The following SH2B3 variants were observed in gnomAD, a reference collection of about 807,000 sequenced individuals.
SH2B3 encodes SH2B adapter protein 3.
A neutral mutation model predicts 51.9 loss-of-function variants in SH2B3; 43 were observed. The ratio of observed to expected loss-of-function variants is 0.83; its 90% CI spans 0.65 to 1.07. The LOEUF is 1.07. Ranked by LOEUF, SH2B3 falls within the 50% of genes least tolerant of loss-of-function variation. The pLI, the probability that SH2B3 is intolerant of heterozygous loss-of-function variation, is 0.00. For missense variants in SH2B3, 952 were observed against 834.3 expected, an observed-to-expected ratio of 1.14 and a Z score of -1.74; for synonymous variants, 396 against 376.0, an observed-to-expected ratio of 1.05 and a Z score of -0.62.
intron 2 of SH2B3, among the ~76,000 whole-genome samples, chr12:111,442,451 G>A (rs1268202922): frequency 2.0e-5 from 3 of 152,198 alleles, no homozygotes; most frequent in Admixed American, 6.5e-5. Flanking sequence ...GTCGACTGAG[G>A]CCTGTCCCAC....
intron 2 of SH2B3, among the ~76,000 whole-genome samples, chr12:111,440,174 T>C (rs948028685): frequency 6.6e-6 from 1 of 152,134 alleles, no homozygotes; most frequent in Non-Finnish European, 1.5e-5. Flanking sequence ...CAGAAGGTCA[T>C]AGAAGCACCC....
rs1472619570 is a variant in SH2B3, at chr12:111,448,032, A to G, written c.1458A>G (p.Ser486=). The part of the protein sequence containing the change: ...LFPFSLPHWD[S]ESLPHWGSEL... ...CTTTCTCCCTTCCTCACTGGGATTC[A>G]GAGTCCCTTCCTCACTGGGGTTCAG... Residue 486 remains serine, a synonymous_variant, in exon 8 of 8, where the codon TCA becomes TCG. Coordinates refer to ENST00000341259, the MANE Select transcript of SH2B3 (RefSeq NM_005475.3). 6.2e-7 allele frequency: 1 copy of G among 1,611,002 alleles called. No individual in the cohort carries two copies. Among genetic ancestry groups the G allele is most frequent in the East Asian group, 2.2e-5 (1 of 44,852 alleles).
At chr12:111,441,673 G>T (rs1447269998) in intron 2 of SH2B3, among the ~76,000 whole-genome samples, 2 of 152,188 alleles carry the variant, frequency 1.3e-5, no homozygotes, top group African/African-American at 4.8e-5. Flanking sequence ...TAAGGTCTAT[G>T]AAATAGGTCA....
chr12:111,415,918 G>A (rs1037332377), intron 1 of SH2B3, among the ~76,000 whole-genome samples: 18 of 151,742 alleles, frequency 1.2e-4, no homozygotes, highest in East Asian at 7.7e-4. Flanking sequence ...AGCTGCCCCC[G>A]GCCCATTTAT....
chr12:111,448,034 A>C lies in SH2B3; in HGVS notation c.1460A>C (p.Glu487Ala). The stretch of plus-strand genomic sequence containing the variant: ...TTCTCCCTTCCTCACTGGGATTCAG[A>C]GTCCCTTCCTCACTGGGGTTCAGAG... ...FPFSLPHWDSESLPHWGSELG... is the reference protein window; with the variant it reads ...FPFSLPHWDSASLPHWGSELG... The change falls in exon 8 of 8, where the codon GAG becomes GCG. Residue 487 changes from glutamate (E) to alanine (A), a missense_variant. Glu to Ala is a moderately radical substitution (Grantham distance 107). Coordinates refer to ENST00000341259, the MANE Select transcript of SH2B3 (RefSeq NM_005475.3). The C allele has an allele frequency of 1.9e-6, 3 of 1,610,984 alleles. No homozygotes were observed. Among genetic ancestry groups the C allele is most frequent in the Middle Eastern group, 1.7e-4 (1 of 6,056 alleles).
intron 2 of SH2B3, among the ~76,000 whole-genome samples, chr12:111,423,433 G>A (rs1593044840): frequency 6.6e-6 from 1 of 152,090 alleles, no homozygotes; most frequent in South Asian, 2.1e-4. Flanking sequence ...GCAGTGGCAC[G>A]GTGTCAGCTC....
In SH2B3 at chr12:111,418,919, C is replaced by T. The variant is rs1871322606; in HGVS notation, c.732+42C>T. 4 of 1,364,206 alleles carry T rather than the reference C, an allele frequency of 2.9e-6. No homozygotes were observed. Among genetic ancestry groups the T allele is most frequent in the Non-Finnish European group, 3.8e-6 (4 of 1,066,314 alleles). The allele number at this position is 1,364,206 out of a possible 1,614,324, so 84.5% of individuals were successfully genotyped here. ...CGCGGGGTTGCGCACTGCACTGCGC[C>T]CTTCGCCTTCACCCTGGGGAGAGCG... On this transcript the variant is annotated intron_variant, in intron 2 of 7. Transcript: ENST00000341259. The surrounding 1 kb of genome is among the most constrained non-coding windows in gnomAD (Gnocchi z 6.7).
At chr12:111,415,866 C>A (rs1410423039) in intron 1 of SH2B3, among the ~76,000 whole-genome samples, 1 of 152,104 alleles carries the variant, frequency 6.6e-6, no homozygotes, top group Admixed American at 6.5e-5. Context: ...AGGTGATCCA[C>A]CCACCTAAGC....
intron 2 of SH2B3, among the ~76,000 whole-genome samples, 156 bp downstream of exon 2, chr12:111,419,033 G>A (rs1232651900): frequency 2.0e-5 from 3 of 152,242 alleles, no homozygotes; most frequent in African/African-American, 7.2e-5. Context: ...CTTTTAGGCC[G>A]AGTGCAATGG....
At chr12:111,433,515 G>T (rs1251195811) in intron 2 of SH2B3, among the ~76,000 whole-genome samples, 2 of 152,116 alleles carry the variant, frequency 1.3e-5, no homozygotes, top group Non-Finnish European at 2.9e-5. Flanking sequence ...AGCCATCCCA[G>T]CCATCTTAAA....
chr12:111,411,737 C>G (rs1310496441), intron 1 of SH2B3, among the ~76,000 whole-genome samples: 2 of 152,174 alleles, frequency 1.3e-5, no homozygotes, highest in Non-Finnish European at 2.9e-5. Flanking sequence ...TGCAGACACC[C>G]CCCAGCCCCA....
Position 111,437,503 on chromosome 12 carries a change from C to A in SH2B3, c.733-9250C>A, listed in dbSNP as rs371767044. ...GACTGGGCCCACTGGGCATTCAGGG[C>A]AGCAGGCAGGCTCACTTGCAGAAGT... On this transcript the variant is annotated intron_variant, in intron 2 of 7. Coordinates refer to ENST00000341259, the MANE Select transcript of SH2B3 (RefSeq NM_005475.3). Among the ~76,000 whole-genome samples, 10 of 152,282 alleles carry A rather than the reference C, an allele frequency of 6.6e-5. 1 individual carries two copies. Among genetic ancestry groups the A allele is most frequent in the East Asian group, 5.8e-4 (3 of 5,174 alleles).
At chr12:111,446,495 G>A (rs951388245) in intron 2 of SH2B3, among the ~76,000 whole-genome samples, 1 of 152,192 alleles carries the variant, frequency 6.6e-6, no homozygotes, top group African/African-American at 2.4e-5. Flanking sequence ...GAGTGGGAAT[G>A]TCTCCAAGTC....
At chr12:111,441,661 A>G (rs941003841) in intron 2 of SH2B3, among the ~76,000 whole-genome samples, 2 of 152,150 alleles carry the variant, frequency 1.3e-5, no homozygotes, top group African/African-American at 4.8e-5. Context: ...TTGGGATGGT[A>G]ATAAGGTCTA....
At chr12:111,428,929 C>T (rs1462408912) in intron 2 of SH2B3, among the ~76,000 whole-genome samples, 1 of 151,904 alleles carries the variant, frequency 6.6e-6, no homozygotes. Flanking sequence ...AGGAGCCACC[C>T]CCATGCCTCC....
Position 111,448,942 on chromosome 12 carries a change from T to C in SH2B3, c.*640T>C, listed in dbSNP as rs1451280031. On this transcript the variant is annotated 3_prime_UTR_variant, in exon 8 of 8. Coordinates refer to ENST00000341259, the MANE Select transcript of SH2B3 (RefSeq NM_005475.3). Reference sequence around the variant, plus strand: ...AACCACTGCTTATTTCAGTGCACTGTTTCAACTAACACCCATGCTATTTTT... The same window carrying C: ...AACCACTGCTTATTTCAGTGCACTGCTTCAACTAACACCCATGCTATTTTT... 1.3e-5 allele frequency: 2 copies of C among 152,964 alleles called. No individual in the cohort carries two copies. Among genetic ancestry groups the C allele is most frequent in the African/African-American group, 4.8e-5 (2 of 41,470 alleles). The allele number at this position is 152,964 out of a possible 1,614,324, so 9.5% of individuals were successfully genotyped here.
At chr12:111,414,868 A>G (rs1204189040) in intron 1 of SH2B3, among the ~76,000 whole-genome samples, 2 of 152,300 alleles carry the variant, frequency 1.3e-5, no homozygotes, top group African/African-American at 4.8e-5. Context: ...GGTTCCTTAC[A>G]AGGTGGATGC....
Position 111,418,744 on chromosome 12 carries a change from T to G in SH2B3, c.599T>G (p.Val200Gly). 6.7e-7 allele frequency: 1 copy of G among 1,484,666 alleles called. No homozygotes were observed. Among genetic ancestry groups the G allele is most frequent in the African/African-American group, 1.5e-5 (1 of 67,864 alleles). The allele number at this position is 1,484,666 out of a possible 1,614,324, so 92.0% of individuals were successfully genotyped here. Reference sequence around the variant, plus strand: ...CCACCCGAGGCGCTGAAGGAGGCGGTGCTGCGCTACAGCCTGGCCGACGAG... The same window carrying G: ...CCACCCGAGGCGCTGAAGGAGGCGGGGCTGCGCTACAGCCTGGCCGACGAG... ...EPPPEALKEA[V>G]LRYSLADEAS... Residue 200 changes from valine (V) to glycine (G), a missense_variant, in exon 2 of 8, where the codon GTG becomes GGG. Transcript: ENST00000341259. This position sits in a 1 kb window ranked among gnomAD's most constrained non-coding sequence, Gnocchi z 6.7.
In SH2B3 at chr12:111,448,415, T is replaced by C; in HGVS notation, c.*113T>C. 2 of 844,564 alleles carry C rather than the reference T, an allele frequency of 2.4e-6. No homozygotes were observed. The highest frequency in any genetic ancestry group is 2.7e-5 in the East Asian group (1 of 37,314). The allele number at this position is 844,564 out of a possible 1,614,324, so 52.3% of individuals were successfully genotyped here. A position where few individuals can be genotyped will look rare whatever the true frequency, so the allele number is the denominator to read the frequency against. On this transcript the variant is annotated 3_prime_UTR_variant, in exon 8 of 8. Coordinates refer to ENST00000341259, the MANE Select transcript of SH2B3 (RefSeq NM_005475.3). ...TTCCAGAGAAAGATTTAAGGGACAC[T>C]GTTAACTGCTCGTGCCAGTTTGGAA...
Sources: allele counts gnomAD v4.1 joint callset (sites outside exome capture counted in the v4.1 genomes callset), GRCh38; gene constraint gnomAD v4.1.1; non-coding constraint Gnocchi (gnomAD v3.1); transcripts MANE v1.5; gene names NCBI Gene and HGNC (gene_info 2026-07-23, HGNC 2026-07-21).